NXN: variants seen among roughly 807,000 people sequenced by gnomAD.
NXN encodes the protein nucleoredoxin.
In NXN, 16 loss-of-function variants were observed where a neutral mutation model predicts 48.6. The observed-to-expected ratio is 0.33, with a 90% CI of 0.22 to 0.50. The LOEUF is 0.50. NXN is among the 20% of genes least tolerant of loss of function. The pLI is 0.98. For synonymous variants in NXN, 281 were observed against 269.6 expected (o/e 1.04, Z -0.41); for missense variants, 492 against 605.5 (o/e 0.81, Z 1.97).
At position 825,342 on chromosome 17, in the gene NXN, T is replaced by C. The variant is rs1913043623; in HGVS notation, c.478+619A>G. Among the ~76,000 whole-genome samples the C allele has an allele frequency of 6.6e-6, 1 of 152,098 alleles. No individual in the cohort carries two copies. Among genetic ancestry groups the C allele is most frequent in the African/African-American group, 2.4e-5 (1 of 41,436 alleles). ...GGGAAAATGTGTGAGCGGGGTTGAA[T>C]CTTCTCACTGGACGGATTAAGTGAG... On this transcript the variant is annotated intron_variant, in intron 2 of 7. Coordinates refer to ENST00000336868, the MANE Select transcript of NXN (RefSeq NM_022463.5). The surrounding 1 kb of genome is among the most constrained non-coding windows in gnomAD (Gnocchi z 4.1).
chr17:871,399 CTTTTTTTTTTTT>C lies in NXN; in HGVS notation c.361-45333_361-45322del, dbSNP rs11345310. 8.8e-5 allele frequency among the ~76,000 whole-genome samples: 9 copies of C among 101,706 alleles called. No homozygotes were observed. The South Asian group carries it at 1.0e-3, about 12-fold the overall frequency. The allele number at this position is 101,706 out of a possible 152,430, so 66.7% of individuals were successfully genotyped here. On this transcript the variant is annotated intron_variant, in intron 1 of 7. Transcript: ENST00000336868. ...TGATAAATCGCAGCATACGCATTCACTTTTTTTTTTTTTTTTTTTTTTTGAGATGGATTCTCA... is the reference window on the plus strand; with the variant it reads ...TGATAAATCGCAGCATACGCATTCACTTTTTTTTTTTGAGATGGATTCTCA...
intron 1 of NXN, among the ~76,000 whole-genome samples, chr17:934,295 A>C (rs2068883873): frequency 6.6e-6 from 1 of 151,578 alleles, no homozygotes; most frequent in Admixed American, 6.6e-5. Context: ...AATACAAAAA[A>C]ATTAGCCGGG....
intron 1 of NXN, among the ~76,000 whole-genome samples, chr17:931,927 C>T (rs952589588): frequency 1.4e-5 from 2 of 147,880 alleles, no homozygotes; most frequent in East Asian, 1.9e-4. Context: ...GGGGATCACT[C>T]GAGGCCAGTA....
intron 5 of NXN, among the ~76,000 whole-genome samples, chr17:807,100 G>A (rs140542185): frequency 0.012 from 1,778 of 152,276 alleles, 14 homozygotes; most frequent in South Asian, 0.038. Context: ...CCCTGAGGCC[G>A]GGGTCCATGC....
At chr17:879,312 C>T (rs1464304678) in intron 1 of NXN, among the ~76,000 whole-genome samples, 1 of 145,300 alleles carries the variant, frequency 6.9e-6, no homozygotes, top group Non-Finnish European at 1.5e-5. Context: ...TTTTTTGAGA[C>T]AGAGTCTCAC....
At chr17:896,379 C>T (rs1333785227) in intron 1 of NXN, among the ~76,000 whole-genome samples, 2 of 150,702 alleles carry the variant, frequency 1.3e-5, no homozygotes, top group African/African-American at 2.5e-5. Context: ...GGCATGGTGG[C>T]GTGTGCCTGC....
intron 1 of NXN, among the ~76,000 whole-genome samples, chr17:921,015 C>A (rs1258598813): frequency 2.0e-5 from 3 of 152,160 alleles, no homozygotes; most frequent in Non-Finnish European, 2.9e-5. Flanking sequence ...AGCCACCGTG[C>A]CCAGCCTCTA....
intron 1 of NXN, among the ~76,000 whole-genome samples, chr17:953,352 T>A (rs939945589): frequency 2.6e-5 from 4 of 151,770 alleles, no homozygotes; most frequent in Non-Finnish European, 5.9e-5. Flanking sequence ...GAGGCGGAGG[T>A]TGCAGTGAGC....
intron 1 of NXN, among the ~76,000 whole-genome samples, chr17:938,827 A>C (rs1270615790): frequency 2.0e-5 from 3 of 152,192 alleles, no homozygotes; most frequent in Admixed American, 2.0e-4. Context: ...TGGTAGGCCG[A>C]GGCGGGCGGA....
intron 1 of NXN, chr17:897,034 A>G: frequency 2.8e-6 from 3 of 1,088,786 alleles, no homozygotes; most frequent in Non-Finnish European, 3.4e-6. Context: ...GGCGTGCCTA[A>G]CAACAGCGTC....
intron 7 of NXN, among the ~76,000 whole-genome samples, chr17:803,147 C>G (rs1465036511): frequency 6.6e-6 from 1 of 152,224 alleles, no homozygotes; most frequent in African/African-American, 2.4e-5. Flanking sequence ...TGTGAAGAGT[C>G]TCCTGCCTGG....
intron 1 of NXN, among the ~76,000 whole-genome samples, chr17:970,792 C>T (rs1281198277): frequency 6.6e-6 from 1 of 152,138 alleles, no homozygotes; most frequent in Non-Finnish European, 1.5e-5. Flanking sequence ...CTCTAACATA[C>T]TTGGAAAAGT....
At chr17:848,526 C>T (rs2067890010) in intron 1 of NXN, among the ~76,000 whole-genome samples, 1 of 152,204 alleles carries the variant, frequency 6.6e-6, no homozygotes, top group Non-Finnish European at 1.5e-5. Context: ...CGTGCCTGGT[C>T]ATTAAGAAAA....
At chr17:937,736 G>A (rs534873933) in intron 1 of NXN, among the ~76,000 whole-genome samples, 2 of 152,310 alleles carry the variant, frequency 1.3e-5, no homozygotes, top group African/African-American at 4.8e-5. Context: ...AACAGGTCAC[G>A]CTGTCACGGG....
intron 1 of NXN, among the ~76,000 whole-genome samples, chr17:976,798 C>T (rs2069464610): frequency 1.3e-5 from 2 of 149,458 alleles, no homozygotes; most frequent in Non-Finnish European, 3.0e-5. Flanking sequence ...CAGAGTTTCG[C>T]TCTTGTTGCC....
intron 1 of NXN, among the ~76,000 whole-genome samples, chr17:851,644 G>A (rs887013501): frequency 1.3e-5 from 2 of 152,192 alleles, no homozygotes; most frequent in Non-Finnish European, 2.9e-5. Context: ...AAGCTCAGGC[G>A]TCCACATGTA....
chr17:808,514 C>G (rs906866531), intron 5 of NXN, among the ~76,000 whole-genome samples: 3 of 151,976 alleles, frequency 2.0e-5, no homozygotes, highest in Non-Finnish European at 4.4e-5. Flanking sequence ...AGGATGGTCT[C>G]GAACTCCCGA....
chr17:820,076 G>A (rs1369241267), intron 4 of NXN, among the ~76,000 whole-genome samples: 3 of 152,162 alleles, frequency 2.0e-5, no homozygotes, highest in Non-Finnish European at 4.4e-5. Flanking sequence ...TGGGGTTTAT[G>A]AGCGGAGACC....
intron 1 of NXN, among the ~76,000 whole-genome samples, chr17:953,009 G>C (rs1367637694): frequency 6.6e-6 from 1 of 152,136 alleles, no homozygotes; most frequent in Non-Finnish European, 1.5e-5. Context: ...AGGCTACCCC[G>C]TGTTAAAGAT....
Sources: allele counts gnomAD v4.1 joint callset (sites outside exome capture counted in the v4.1 genomes callset), GRCh38; gene constraint gnomAD v4.1.1; non-coding constraint Gnocchi (gnomAD v3.1); transcripts MANE v1.5; gene names NCBI Gene and HGNC (gene_info 2026-07-23, HGNC 2026-07-21).